MUC5B: variants seen among roughly 807,000 people sequenced by gnomAD.
The protein encoded by MUC5B is mucin 5B, oligomeric mucus/gel-forming, also known as mucin-5B.
A neutral mutation model predicts 376.9 loss-of-function variants in MUC5B; 116 were observed. The observed-to-expected ratio is 0.31, with a 90% CI of 0.26 to 0.36. The LOEUF (loss-of-function observed/expected upper bound fraction) is 0.36. MUC5B is among the 10% of genes least tolerant of loss of function. The pLI is 1.00. For synonymous variants in MUC5B, 3,517 were observed against 3,390.9 expected, an observed-to-expected ratio of 1.04 and a Z score of -1.29; for missense variants, 7,165 against 7,769.9, an observed-to-expected ratio of 0.92 and a Z score of 2.93.
At position 1,234,666 on chromosome 11, in the gene MUC5B, C is replaced by A. The variant is rs770475907; in HGVS notation, c.2616C>A (p.Val872=). The A allele has an allele frequency of 1.9e-6, 3 of 1,539,586 alleles. No individual in the cohort carries two copies. The highest frequency in any genetic ancestry group is 2.6e-6 in the Non-Finnish European group (3 of 1,141,848). The change falls in exon 21 of 49, where the codon GTC becomes GTA. Residue 872 remains valine, a synonymous_variant. Coordinates refer to ENST00000529681, the MANE Select transcript of MUC5B (RefSeq NM_002458.3). This position sits in a 1 kb window ranked among gnomAD's most constrained non-coding sequence, Gnocchi z 6.3. ...ACAAGCCTGGAGAGACCATCAGGGT[C>A]GACTGCAACACCTGGTGGGTCGTGA... ...ATYKPGETIR[V]DCNTCTCRNR...
Position 1,250,868 on chromosome 11 carries a change from C to G in MUC5B, c.13988C>G (p.Ser4663Cys), listed in dbSNP as rs376478587. 11 of 1,600,710 alleles carry G rather than the reference C, an allele frequency of 6.9e-6. No individual in the cohort carries two copies. Among genetic ancestry groups the G allele is most frequent in the South Asian group, 1.1e-5 (1 of 89,920 alleles). ...TTTTTTVATG[S>C]MATPSSSTQT... The stretch of plus-strand genomic sequence containing the variant: ...ACCACCACAACTGTGGCCACTGGTT[C>G]TATGGCAACACCCTCCTCTAGCACA... The change falls in exon 31 of 49, where the codon TCT (serine) becomes TGT (cysteine). Residue 4663 changes from serine (S) to cysteine (C), a missense_variant. Physicochemically the swap from Ser to Cys is moderately radical, Grantham distance 112 (BLOSUM62 -1). Around this residue, in one of 31 missense-constraint regions of MUC5B, gnomAD observed 730 missense variants for 592.7 expected, o/e 1.23. Transcript: ENST00000529681.
intron 36 of MUC5B, 34 bp from the exon 37 acceptor site, chr11:1,255,349 G>A: frequency 6.4e-7 from 1 of 1,553,518 alleles, no homozygotes; most frequent in Non-Finnish European, 8.7e-7. Context: ...CCCTGGGGCT[G>A]GGGGCCCTCC....
chr11:1,232,849 TCA>T, intron 17 of MUC5B, 79 bp downstream of exon 17: 1 of 1,493,748 alleles, frequency 6.7e-7, no homozygotes, highest in Non-Finnish European at 8.9e-7. Context: ...CAGCCGTCAC[TCA>T]CACGGTTCTC....
chr11:1,238,407 G>A (rs1032624350), intron 25 of MUC5B, among the ~76,000 whole-genome samples: 17 of 151,772 alleles, frequency 1.1e-4, no homozygotes, highest in Admixed American at 1.0e-3. Context: ...GGTTGGTTCC[G>A]CTGGAGGGAA....
Position 1,237,125 on chromosome 11 carries a change from C to A in MUC5B, c.3258C>A (p.Ser1086Arg), listed in dbSNP as rs775545072. 9 of 1,494,096 alleles carry A rather than the reference C, an allele frequency of 6.0e-6. No homozygotes were observed. The highest frequency in any genetic ancestry group is 2.2e-5 in the Admixed American group (1 of 45,826). 92.6% of individuals were successfully genotyped at this position (1,494,096 alleles called of 1,614,324 possible). The change falls in exon 25 of 49, where the codon AGC becomes AGA. Residue 1086 changes from serine (S) to arginine (R), a missense_variant. Around this residue, in one of 31 missense-constraint regions of MUC5B, gnomAD observed 143 missense variants for 193.2 expected, o/e 0.74. Transcript: ENST00000529681. ...FRKSWAQKQC[S>R]ILHGPTFAAC... ...AGTCCTGGGCCCAGAAGCAGTGCAGCATCCTCCACGGCCCCACCTTCGCCG... is the reference window on the plus strand; with the variant it reads ...AGTCCTGGGCCCAGAAGCAGTGCAGAATCCTCCACGGCCCCACCTTCGCCG...
intron 23 of MUC5B, among the ~76,000 whole-genome samples, chr11:1,235,743 T>C (rs1357534474): frequency 1.3e-5 from 2 of 152,024 alleles, no homozygotes; most frequent in East Asian, 3.9e-4. Flanking sequence ...GTCTGTCTTC[T>C]CTCTGTTTTT....
In MUC5B at chr11:1,233,968, T is replaced by A. The variant is rs1441481297; in HGVS notation, c.2377+120T>A. Reference sequence around the variant, plus strand: ...GAACCCTGCCGGGCCAGGTCAGTCCTCACCTGGGCTCTGCCACAGGCACCC... The same window carrying A: ...GAACCCTGCCGGGCCAGGTCAGTCCACACCTGGGCTCTGCCACAGGCACCC... On this transcript the variant is annotated intron_variant, in intron 19 of 48. Coordinates refer to ENST00000529681, the MANE Select transcript of MUC5B (RefSeq NM_002458.3). The A allele has an allele frequency of 7.7e-6, 8 of 1,038,254 alleles. 1 individual carries two copies. In the East Asian group the frequency reaches 2.1e-4, roughly 27 times the overall value. The allele number at this position is 1,038,254 out of a possible 1,614,324, so 64.3% of individuals were successfully genotyped here. A position where few individuals can be genotyped will look rare whatever the true frequency, so the allele number is the denominator to read the frequency against.
In MUC5B at chr11:1,255,410, GC is replaced by G; in HGVS notation, c.15923del (p.Pro5308ArgfsTer159). On this transcript the variant is annotated frameshift_variant, in exon 37 of 49. Coordinates refer to ENST00000529681, the MANE Select transcript of MUC5B (RefSeq NM_002458.3). LOFTEE classifies it high-confidence loss of function. ...TCTTTGCTGAGTGCCACAACCTTGT[GC>G]CCCCGGGCCCATTCTTCAACGCCTG... ...QVFAECHNLVPPGPFFNACIS... is the reference protein window; with the variant it reads ...QVFAECHNLVXPGPFFNACIS... 6.2e-7 allele frequency: 1 copy of G among 1,603,056 alleles called. No individual in the cohort carries two copies. The highest frequency in any genetic ancestry group is 2.3e-5 in the East Asian group (1 of 44,382).
chr11:1,255,637 G>T, intron 37 of MUC5B, 79 bp downstream of exon 37: 1 of 450,008 alleles, frequency 2.2e-6, no homozygotes, highest in Non-Finnish European at 3.8e-6. Flanking sequence ...GGCGGCCCCG[G>T]GCCCCCCAGA....
At chr11:1,236,290 C>T (rs964668459) in intron 23 of MUC5B, 96 bp from the exon 24 acceptor site, 127 of 1,256,732 alleles carry the variant, frequency 1.0e-4, no homozygotes, top group East Asian at 2.2e-4. Context: ...AGAGCCCGTG[C>T]GCACCTGCAG....
At position 1,259,945 on chromosome 11, in the gene MUC5B, C is replaced by T. The variant is rs199932014; in HGVS notation, c.16801-18C>T. On this transcript the variant is annotated intron_variant, in intron 45 of 48. Transcript: ENST00000529681. The stretch of plus-strand genomic sequence containing the variant: ...AGGTAATCCCTACTCAGCTTCCACA[C>T]TCACCCTTGCATTTCAGCTGAATGA... 5.5e-4 allele frequency: 885 copies of T among 1,612,970 alleles called. No homozygotes were observed. The highest frequency in any genetic ancestry group is 1.1e-3 in the Admixed American group (68 of 60,012).
chr11:1,255,512 C>T lies in MUC5B; in HGVS notation c.16020C>T (p.Ala5340=), dbSNP rs761386006. 2.6e-6 allele frequency: 4 copies of T among 1,551,214 alleles called. No homozygotes were observed. Among genetic ancestry groups the T allele is most frequent in the African/African-American group, 1.4e-5 (1 of 73,112 alleles). ...SLEAYAELCR[A]RGVCSDWRGA... ...AGGCTTACGCAGAGCTCTGCCGCGC[C>T]CGGGGAGTGTGCAGTGACTGGCGAG... Residue 5340 remains alanine (A), a synonymous_variant, in exon 37 of 49, where the codon GCC becomes GCT. Coordinates refer to ENST00000529681, the MANE Select transcript of MUC5B (RefSeq NM_002458.3).
chr11:1,230,393 G>C, intron 11 of MUC5B, 97 bp from the exon 12 acceptor site: 2 of 1,262,202 alleles, frequency 1.6e-6, no homozygotes, highest in South Asian at 2.9e-5. Context: ...CCTCCCCACA[G>C]AGCCACATCC....
Position 1,237,043 on chromosome 11 carries a change from C to G in MUC5B, c.3176C>G (p.Pro1059Arg). The change falls in exon 25 of 49, where the codon CCC becomes CGC. Residue 1059 changes from proline (P) to arginine (R), a missense_variant. Transcript: ENST00000529681. ...TTTGGGAACAGCTGGAAGCTCTCCC[C>G]CTCCTGCCCGGACGCCCTGGCACCC... ...LEFGNSWKLS[P>R]SCPDALAPKD... The G allele has an allele frequency of 6.3e-7, 1 of 1,579,502 alleles. No homozygotes were observed. The highest frequency in any genetic ancestry group is 1.8e-5 in the Admixed American group (1 of 55,340).
At position 1,256,668 on chromosome 11, in the gene MUC5B, C is replaced by T. The variant is rs750585095; in HGVS notation, c.16137-3C>T. On this transcript the variant is annotated splice_polypyrimidine_tract_variant and splice_region_variant and intron_variant, in intron 38 of 48. Transcript: ENST00000529681. Reference sequence around the variant, plus strand: ...TCTCAGGGCCTCTCTTGTCATCCTGCAGGAACCAGAGCCCACAGCTGGAGG... The same window carrying T: ...TCTCAGGGCCTCTCTTGTCATCCTGTAGGAACCAGAGCCCACAGCTGGAGG... The T allele has an allele frequency of 3.8e-6, 6 of 1,559,426 alleles. No individual in the cohort carries two copies. In the Admixed American group the frequency reaches 5.8e-5, roughly 15 times the overall value.
In MUC5B at chr11:1,261,428, C is replaced by G. The variant is rs1301975131; in HGVS notation, c.17109C>G (p.Thr5703=). 2 of 1,556,510 alleles carry G rather than the reference C, an allele frequency of 1.3e-6. No homozygotes were observed. The highest frequency in any genetic ancestry group is 2.4e-5 in the South Asian group (2 of 84,464). The change falls in exon 49 of 49, where the codon ACC becomes ACG. Residue 5703 remains threonine (T), a synonymous_variant. Transcript: ENST00000529681. ...AEAQAMQHQC[T]CCQERRVHEE... is the part of the protein sequence containing the mutation. The stretch of plus-strand genomic sequence containing the variant: ...CCCAGGCCATGCAGCACCAGTGCAC[C>G]TGCTGCCAGGAGAGGCGGGTCCACG...
rs777774612 is a variant in MUC5B, at chr11:1,247,439, A to C, written c.10559A>C (p.Glu3520Ala). Residue 3520 changes from glutamate (E) to alanine (A), a missense_variant, in exon 31 of 49, where the codon GAG (glutamate) becomes GCG (alanine). Physicochemically the swap from Glu to Ala is moderately radical, Grantham distance 107. Around this residue, in one of 31 missense-constraint regions of MUC5B, gnomAD observed 939 missense variants for 770.6 expected, o/e 1.22. Transcript: ENST00000529681. ...CCTCACCCTAGCAGCAGGACCACCG[A>C]GTCACCCCCTTCTCCAGGGACGACC... Reference protein sequence around the residue: ...SSPHPSSRTTESPPSPGTTTP... With the variant: ...SSPHPSSRTTASPPSPGTTTP... The C allele has an allele frequency of 3.7e-6, 6 of 1,609,022 alleles. No homozygotes were observed. The highest frequency in any genetic ancestry group is 5.1e-6 in the Non-Finnish European group (6 of 1,178,762).
intron 23 of MUC5B, among the ~76,000 whole-genome samples, chr11:1,235,698 G>A (rs1418314923): frequency 2.6e-5 from 4 of 152,160 alleles, no homozygotes. Flanking sequence ...GGCGTCCCTG[G>A]GCTGTGGCTG....
In MUC5B at chr11:1,235,564, T is replaced by C. The variant is rs144686861; in HGVS notation, c.2880+151T>C. On this transcript the variant is annotated intron_variant, in intron 23 of 48. Coordinates refer to ENST00000529681, the MANE Select transcript of MUC5B (RefSeq NM_002458.3). ...TCCAAGCAGCCACAAACCAGGGGGCTTAGACAACAGAAATGCATTCTCAGT... is the reference window on the plus strand; with the variant it reads ...TCCAAGCAGCCACAAACCAGGGGGCCTAGACAACAGAAATGCATTCTCAGT... The C allele has an allele frequency of 9.1e-4, 620 of 678,610 alleles. 6 individuals carry two copies. In the African/African-American group the frequency reaches 0.01, roughly 11 times the overall value. 42.0% of individuals were successfully genotyped at this position (678,610 alleles called of 1,614,324 possible). A position where few individuals can be genotyped will look rare whatever the true frequency, so the allele number is the denominator to read the frequency against.
Sources: allele counts gnomAD v4.1 joint callset (sites outside exome capture counted in the v4.1 genomes callset), GRCh38; gene constraint gnomAD v4.1.1; regional missense constraint gnomAD v4.1.1; non-coding constraint Gnocchi (gnomAD v3.1); transcripts MANE v1.5; gene names NCBI Gene and HGNC (gene_info 2026-07-23, HGNC 2026-07-21).